Variants in NTNG1 observed in about 807,000 individuals in gnomAD.
The protein encoded by NTNG1 is netrin G1.
In NTNG1, 16 loss-of-function variants were observed where a neutral mutation model predicts 54.0. The ratio of observed to expected loss-of-function variants is 0.30; its 90% confidence interval spans 0.20 to 0.45. NTNG1 has a LOEUF of 0.45. Among genes scored for constraint, NTNG1 ranks in the 20% least tolerant of loss-of-function variants. The pLI is 1.00. For missense variants in NTNG1, 530 were observed against 678.7 expected, an observed-to-expected ratio of 0.78 and a Z score of 2.43; for synonymous variants, 255 against 263.1, an observed-to-expected ratio of 0.97 and a Z score of 0.30.
At chr1:107,252,177 T>A (rs1662648983) in intron 2 of NTNG1, among the ~76,000 whole-genome samples, 1 of 152,222 alleles carries the variant, frequency 6.6e-6, no homozygotes, top group South Asian at 2.1e-4. Context: ...TTTTGTCTAT[T>A]ATTATTGCTT....
intron 5 of NTNG1, among the ~76,000 whole-genome samples, chr1:107,430,410 T>C (rs1675186320): frequency 6.6e-6 from 1 of 152,070 alleles, no homozygotes; most frequent in African/African-American, 2.4e-5. Flanking sequence ...AAATTCTCCA[T>C]CTGCAAAAAA....
intron 2 of NTNG1, among the ~76,000 whole-genome samples, chr1:107,263,325 TTTCC>T (rs1190741316): frequency 2.7e-5 from 3 of 112,864 alleles, no homozygotes; most frequent in African/African-American, 1.0e-4. Flanking sequence ...TCCTTCCTTC[TTTCC>T]TTCCTTCCTT....
intron 2 of NTNG1, among the ~76,000 whole-genome samples, chr1:107,199,098 CTAAAA>C (rs957795624): frequency 4.0e-5 from 6 of 151,598 alleles, no homozygotes; most frequent in African/African-American, 1.5e-4. Flanking sequence ...TGATATAGTG[CTAAAA>C]TAAACTCAAG....
At chr1:107,290,951 C>CTATATCT (rs1665541089) in intron 2 of NTNG1, among the ~76,000 whole-genome samples, 9 of 135,096 alleles carry the variant, frequency 6.7e-5, no homozygotes, top group African/African-American at 2.8e-4. Context: ...TTTTAAAGTG[C>CTATATCT]ATATATATAT....
chr1:107,418,403 G>A (rs1390681351), intron 5 of NTNG1, among the ~76,000 whole-genome samples: 13 of 152,000 alleles, frequency 8.6e-5, no homozygotes, highest in Admixed American at 8.5e-4. Context: ...TCAATGTTTT[G>A]GGAATCATCA....
chr1:107,396,373 A>G (rs568613358), intron 4 of NTNG1, among the ~76,000 whole-genome samples: 17 of 152,270 alleles, frequency 1.1e-4, no homozygotes, highest in African/African-American at 3.8e-4. Context: ...CAAGTAACAA[A>G]CCATGAAGTA....
chr1:107,191,396 T>C (rs1455332851), intron 2 of NTNG1, among the ~76,000 whole-genome samples: 1 of 152,032 alleles, frequency 6.6e-6, no homozygotes, highest in Non-Finnish European at 1.5e-5. Context: ...ACTCTGATGG[T>C]AGTTTCTTTT....
intron 2 of NTNG1, among the ~76,000 whole-genome samples, chr1:107,316,490 C>T (rs186238893): frequency 6.6e-6 from 1 of 152,356 alleles, no homozygotes; most frequent in African/African-American, 2.4e-5. Flanking sequence ...TCTTCATACT[C>T]TCCTTTGGTG....
chr1:107,152,930 G>C (rs1654691311), intron 2 of NTNG1, among the ~76,000 whole-genome samples: 1 of 152,130 alleles, frequency 6.6e-6, no homozygotes, highest in Non-Finnish European at 1.5e-5. Flanking sequence ...TAAAATGTCA[G>C]AATGTGAAAT....
intron 2 of NTNG1, among the ~76,000 whole-genome samples, chr1:107,165,580 G>C (rs1655733714): frequency 6.6e-6 from 1 of 152,102 alleles, no homozygotes; most frequent in Non-Finnish European, 1.5e-5. Flanking sequence ...GCTCCTTGCA[G>C]ACAGAAATGA....
intron 2 of NTNG1, among the ~76,000 whole-genome samples, chr1:107,214,303 T>C (rs540635500): frequency 1.8e-4 from 27 of 152,300 alleles, no homozygotes; most frequent in African/African-American, 6.0e-4. Flanking sequence ...CCAAAGTCCA[T>C]TGTATCATTC....
chr1:107,257,707 G>A (rs911206317), intron 2 of NTNG1, among the ~76,000 whole-genome samples: 1 of 152,176 alleles, frequency 6.6e-6, no homozygotes, highest in African/African-American at 2.4e-5. Flanking sequence ...ATGGACTCCA[G>A]CTGAGAGAAC....
intron 2 of NTNG1, among the ~76,000 whole-genome samples, chr1:107,285,181 G>A (rs1665108796): frequency 6.6e-6 from 1 of 152,130 alleles, no homozygotes; most frequent in Non-Finnish European, 1.5e-5. Context: ...GAGTGGATAA[G>A]TAATGTCACT....
intron 3 of NTNG1, among the ~76,000 whole-genome samples, chr1:107,370,345 T>C (rs1670844908): frequency 6.6e-6 from 1 of 151,968 alleles, no homozygotes; most frequent in Non-Finnish European, 1.5e-5. Flanking sequence ...CATTTTTTTT[T>C]GAAAATTTTT....
chr1:107,433,709 A>C (rs1675423077), intron 6 of NTNG1, among the ~76,000 whole-genome samples: 1 of 152,228 alleles, frequency 6.6e-6, no homozygotes. Flanking sequence ...TTTTATCTGT[A>C]GTGCTTATAT....
chr1:107,394,361 A>G (rs550234538), intron 3 of NTNG1, among the ~76,000 whole-genome samples: 17 of 152,122 alleles, frequency 1.1e-4, no homozygotes, highest in Non-Finnish European at 2.2e-4. Flanking sequence ...CTCATATATC[A>G]TGGCTTTATT....
In NTNG1 at chr1:107,480,872, T is replaced by C. The variant is rs1336830711; in HGVS notation, c.*32T>C. On this transcript the variant is annotated 3_prime_UTR_variant, in exon 8 of 8. Transcript: ENST00000370068. ...CCTCCAGCCACACCGGACGGGCCTG[T>C]GCCGTGGGGAAGCAGACACAACCCA... 1.3e-6 allele frequency: 2 copies of C among 1,506,582 alleles called. No homozygotes were observed. The highest frequency in any genetic ancestry group is 2.5e-5 in the East Asian group (1 of 40,524). 93.3% of individuals were successfully genotyped at this position (1,506,582 alleles called of 1,614,324 possible).
chr1:107,259,216 A>G (rs2101644336), intron 2 of NTNG1, among the ~76,000 whole-genome samples: 1 of 152,208 alleles, frequency 6.6e-6, no homozygotes, highest in East Asian at 1.9e-4. Context: ...GTATATTTTT[A>G]TTCAATCAAA....
intron 2 of NTNG1, among the ~76,000 whole-genome samples, chr1:107,157,118 T>C (rs1655060468): frequency 6.6e-6 from 1 of 152,198 alleles, no homozygotes; most frequent in African/African-American, 2.4e-5. Context: ...TTATATTCTT[T>C]TCTCTTATTT....
Sources: allele counts gnomAD v4.1 joint callset (sites outside exome capture counted in the v4.1 genomes callset), GRCh38; gene constraint gnomAD v4.1.1; transcripts MANE v1.5; gene names NCBI Gene and HGNC (gene_info 2026-07-23, HGNC 2026-07-21).